The following AVEN variants were observed in gnomAD, a reference collection of about 807,000 sequenced individuals.
AVEN encodes cell death regulator Aven.
A neutral mutation model predicts 38.1 loss-of-function variants in AVEN; 41 were observed. The observed-to-expected ratio is 1.08, with a 90% CI of 0.84 to 1.40. AVEN has a LOEUF of 1.40. Ranked by LOEUF, AVEN falls within the 40% of genes most tolerant of loss-of-function variation. AVEN has a pLI of 0.00. For missense variants in AVEN, 605 were observed against 438.8 expected, an observed-to-expected ratio of 1.38 and a Z score of -3.38; for synonymous variants, 206 against 171.8, an observed-to-expected ratio of 1.20 and a Z score of -1.56.
chr15:33,882,714 T>A (rs1204534437), intron 2 of AVEN, among the ~76,000 whole-genome samples: 2 of 151,496 alleles, frequency 1.3e-5, no homozygotes, highest in African/African-American at 2.4e-5. Flanking sequence ...TTAAAAAAAA[T>A]AAAATAAAAG....
intron 2 of AVEN, among the ~76,000 whole-genome samples, chr15:33,921,436 T>TGA (rs35482658): frequency 0.67 from 101,626 of 151,416 alleles, 34,762 homozygotes; most frequent in East Asian, 0.81. Flanking sequence ...GGGAGGAGAG[T>TGA]GAGAGAGAGT....
intron 2 of AVEN, among the ~76,000 whole-genome samples, chr15:33,935,029 C>T (rs1041854156): frequency 6.6e-6 from 1 of 152,106 alleles, no homozygotes; most frequent in Non-Finnish European, 1.5e-5. Context: ...AAAGAAGGAT[C>T]CAAACAGATG....
chr15:33,885,620 C>T (rs1891668961), intron 2 of AVEN: 1 of 152,154 alleles, frequency 6.6e-6, no homozygotes, highest in Admixed American at 6.5e-5. Context: ...AGCTTTCTCA[C>T]CAAGTGTAGG....
chr15:34,070,388 T>A (rs969029540), intron 2 of AVEN, among the ~76,000 whole-genome samples: 3 of 151,962 alleles, frequency 2.0e-5, no homozygotes, highest in African/African-American at 4.8e-5. Context: ...TTTTTTTTTT[T>A]AAATCGAACT....
intron 2 of AVEN, among the ~76,000 whole-genome samples, chr15:33,966,394 G>C (rs1319958680): frequency 6.6e-6 from 1 of 152,100 alleles, no homozygotes. Context: ...AAGATTTAAA[G>C]GACAAGGTAT....
At chr15:33,876,879 G>C (rs1891253780) in intron 2 of AVEN, among the ~76,000 whole-genome samples, 1 of 152,042 alleles carries the variant, frequency 6.6e-6, no homozygotes, top group Non-Finnish European at 1.5e-5. Flanking sequence ...ATGTAAGCAA[G>C]CAGAAATTAA....
intron 2 of AVEN, chr15:33,968,866 C>A (rs1288061740): frequency 6.6e-6 from 1 of 152,060 alleles, no homozygotes; most frequent in African/African-American, 2.4e-5. Context: ...TTAATAAGTT[C>A]TCAACACTCA....
intron 1 of AVEN, among the ~76,000 whole-genome samples, chr15:34,038,573 A>G (rs1385737243): frequency 6.7e-6 from 1 of 150,338 alleles, no homozygotes; most frequent in Non-Finnish European, 1.5e-5. Flanking sequence ...CCCGGCCAGG[A>G]GGCCACGAGG....
At chr15:33,921,381 CA>C (rs1893387725) in intron 2 of AVEN, among the ~76,000 whole-genome samples, 2 of 151,986 alleles carry the variant, frequency 1.3e-5, no homozygotes, top group Non-Finnish European at 2.9e-5. Context: ...CAAATTGAGA[CA>C]GTTTTTCAGA....
At chr15:33,933,984 T>C (rs1394360241) in intron 2 of AVEN, among the ~76,000 whole-genome samples, 1 of 152,186 alleles carries the variant, frequency 6.6e-6, no homozygotes, top group Non-Finnish European at 1.5e-5. Flanking sequence ...CAAAAACGAC[T>C]GGTTTGAAAC....
downstream of AVEN, chr15:33,865,949 G>A (rs913588269): frequency 6.5e-6 from 1 of 152,714 alleles, no homozygotes; most frequent in Non-Finnish European, 1.5e-5. Context: ...TAGAAGAAAA[G>A]TACTGTACTG....
At chr15:34,028,922 G>A (rs1597369462) in intron 1 of AVEN, among the ~76,000 whole-genome samples, 1 of 151,938 alleles carries the variant, frequency 6.6e-6, no homozygotes, top group East Asian at 1.9e-4. Flanking sequence ...GGGAGAGAAA[G>A]TAAGGCAAAA....
At chr15:33,913,223 T>C (rs1050666253) in intron 2 of AVEN, among the ~76,000 whole-genome samples, 2 of 152,198 alleles carry the variant, frequency 1.3e-5, no homozygotes, top group African/African-American at 4.8e-5. Context: ...GCAGAGGAAT[T>C]GTATTCAATT....
chr15:34,063,088 T>C lies in AVEN; in HGVS notation n.1471A>G. 1 of 1,614,150 alleles carries C rather than the reference T, an allele frequency of 6.2e-7. No individual in the cohort carries two copies. The highest frequency in any genetic ancestry group is 8.5e-7 in the Non-Finnish European group (1 of 1,180,022). On this transcript the variant is annotated non_coding_transcript_exon_variant, in exon 5 of 12. Coordinates refer to the AVEN transcript ENST00000675287. The surrounding 1 kb of genome is among the most constrained non-coding windows in gnomAD (Gnocchi z 4.1). The stretch of plus-strand genomic sequence containing the variant: ...GCTTCTGTCATGAACCTTCTGGTGA[T>C]CAGTTTTGACCGTTACTTTTCCATC...
At chr15:34,037,664 G>A (rs1221341339) in intron 1 of AVEN, among the ~76,000 whole-genome samples, 3 of 151,412 alleles carry the variant, frequency 2.0e-5, no homozygotes, top group African/African-American at 4.8e-5. Flanking sequence ...GAGGTAAACT[G>A]ACCCTAAAAA....
Position 33,867,657 on chromosome 15 carries a change from G to A in AVEN, c.811C>T (p.Pro271Ser), listed in dbSNP as rs1890697875. The A allele has an allele frequency of 1.2e-6, 2 of 1,614,168 alleles. No individual in the cohort carries two copies. Among genetic ancestry groups the A allele is most frequent in the Non-Finnish European group, 8.5e-7 (1 of 1,180,032 alleles). The change falls in exon 5 of 6, where the codon CCC becomes TCC. Residue 271 changes from proline to serine, a missense_variant. By Grantham distance (74) the Pro-to-Ser change is moderately conservative. Transcript: ENST00000306730. ...CCTGCTGACTGCAGTGGGGAAGTGG[G>A]TTTCTGAGAATCCCTTGAAGGACCC... ...SPGPSRDSQKPTSPLQSAGDH... is the reference protein window; with the variant it reads ...SPGPSRDSQKSTSPLQSAGDH...
Position 33,917,441 on chromosome 15 carries a change from C to T in AVEN, c.446-41446G>A, listed in dbSNP as rs148528549. On this transcript the variant is annotated intron_variant, in intron 2 of 5. Coordinates refer to ENST00000306730, the MANE Select transcript of AVEN (RefSeq NM_020371.3). ...TATACACACACTATATATATACACA[C>T]ATATATACACACACACATATATATA... 4.2e-3 allele frequency among the ~76,000 whole-genome samples: 632 copies of T among 149,310 alleles called. 8 individuals are homozygous for T. The highest frequency in any genetic ancestry group is 0.015 in the African/African-American group (603 of 40,614).
chr15:33,924,222 G>A (rs1015508574), intron 2 of AVEN, among the ~76,000 whole-genome samples: 1 of 151,736 alleles, frequency 6.6e-6, no homozygotes, highest in African/African-American at 2.4e-5. Context: ...CTAGGGGTAC[G>A]GTAGTCCTCT....
chr15:33,997,428 G>A (rs1219615622), intron 2 of AVEN, among the ~76,000 whole-genome samples: 4 of 152,042 alleles, frequency 2.6e-5, no homozygotes, highest in Admixed American at 1.3e-4. Flanking sequence ...AATAACTAAG[G>A]AAATGTAAAC....
Sources: allele counts gnomAD v4.1 joint callset (sites outside exome capture counted in the v4.1 genomes callset), GRCh38; gene constraint gnomAD v4.1.1; non-coding constraint Gnocchi (gnomAD v3.1); transcripts MANE v1.5; gene names NCBI Gene and HGNC (gene_info 2026-07-23, HGNC 2026-07-21).